The following ULK4 variants were observed in gnomAD, a reference collection of about 807,000 sequenced individuals.
The protein encoded by ULK4 is unc-51 like kinase 4, also known as inactive serine/threonine-protein kinase ULK4.
Under a neutral mutation model 160.6 loss-of-function variants are expected in ULK4, and 133 were observed. The observed-to-expected ratio is 0.83, with a 90% CI of 0.72 to 0.96. The LOEUF (loss-of-function observed/expected upper bound fraction) is 0.96, where lower values mean the gene tolerates loss of function less well. ULK4 is among the 40% of genes least tolerant of loss of function. ULK4 has a pLI of 0.00. For synonymous variants in ULK4, 534 were observed against 539.8 expected (o/e 0.99, Z 0.15); for missense variants, 1,580 against 1,499.5 (o/e 1.05, Z -0.89).
intron 35 of ULK4, among the ~76,000 whole-genome samples, chr3:41,389,801 G>A (rs561117365): frequency 7.2e-4 from 109 of 152,148 alleles, no homozygotes; most frequent in African/African-American, 2.2e-3. Flanking sequence ...TTTTTGCATC[G>A]ATGTTCATCA....
chr3:41,773,565 T>C (rs1332551033), intron 21 of ULK4, among the ~76,000 whole-genome samples: 1 of 151,996 alleles, frequency 6.6e-6, no homozygotes, highest in Non-Finnish European at 1.5e-5. Context: ...CTCAATGAAA[T>C]TAAAGAGGAT....
At chr3:41,733,146 A>G (rs946351127) in intron 22 of ULK4, among the ~76,000 whole-genome samples, 2 of 152,170 alleles carry the variant, frequency 1.3e-5, no homozygotes, top group Non-Finnish European at 2.9e-5. Flanking sequence ...AAACGTTTGC[A>G]GTGATATGCT....
At chr3:41,884,921 G>C (rs1472217868) in intron 16 of ULK4, among the ~76,000 whole-genome samples, 1 of 152,150 alleles carries the variant, frequency 6.6e-6, no homozygotes, top group Non-Finnish European at 1.5e-5. Flanking sequence ...TTTAAAAGTA[G>C]TCATTTTGAA....
intron 22 of ULK4, among the ~76,000 whole-genome samples, chr3:41,727,311 T>C (rs2037685725): frequency 1.3e-5 from 2 of 152,212 alleles, no homozygotes. Flanking sequence ...GTCTACTATG[T>C]GCTAAGTATT....
chr3:41,249,344 TG>T, intron 36 of ULK4, 144 bp downstream of exon 36: 1 of 723,570 alleles, frequency 1.4e-6, no homozygotes, highest in Non-Finnish European at 2.2e-6. Flanking sequence ...CTTCCCACAC[TG>T]GGAAGGATCT....
chr3:41,632,197 G>A (rs894700314), intron 30 of ULK4, among the ~76,000 whole-genome samples: 1 of 152,184 alleles, frequency 6.6e-6, no homozygotes, highest in African/African-American at 2.4e-5. Flanking sequence ...GGCAGTATCA[G>A]TAAGAGAAAG....
chr3:41,297,357 C>T (rs190069264), intron 35 of ULK4, among the ~76,000 whole-genome samples: 333 of 152,332 alleles, frequency 2.2e-3, no homozygotes, highest in Middle Eastern at 0.014. Flanking sequence ...GAGGGCATGC[C>T]TCAGCCTTCT....
chr3:41,672,089 T>G (rs758151036), intron 29 of ULK4, among the ~76,000 whole-genome samples: 3 of 152,130 alleles, frequency 2.0e-5, no homozygotes, highest in African/African-American at 7.2e-5. Flanking sequence ...TTGGCAAGGA[T>G]GCGGAGAAAA....
At chr3:41,405,537 A>G (rs2082275610) in intron 34 of ULK4, among the ~76,000 whole-genome samples, 2 of 152,116 alleles carry the variant, frequency 1.3e-5, no homozygotes, top group South Asian at 4.1e-4. Context: ...CTTTAAGTTG[A>G]GAATTCTCCA....
chr3:41,735,683 C>G (rs1475482343), intron 22 of ULK4, among the ~76,000 whole-genome samples: 1 of 95,320 alleles, frequency 1.0e-5, no homozygotes, highest in African/African-American at 4.8e-5. Context: ...CACTCTAAGT[C>G]CATTTTATTA....
intron 18 of ULK4, among the ~76,000 whole-genome samples, chr3:41,827,016 C>G (rs1053414824): frequency 1.3e-5 from 2 of 150,782 alleles, no homozygotes; most frequent in African/African-American, 2.5e-5. Context: ...CACTGAAAAC[C>G]GCTCCACTAC....
intron 30 of ULK4, among the ~76,000 whole-genome samples, chr3:41,661,180 T>C (rs900448882): frequency 1.3e-4 from 20 of 152,164 alleles, no homozygotes; most frequent in African/African-American, 4.6e-4. Context: ...TTCACTGTTA[T>C]CAGTAGTTAG....
chr3:41,779,693 G>T (rs1191404098), intron 21 of ULK4, among the ~76,000 whole-genome samples: 1 of 35,892 alleles, frequency 2.8e-5, no homozygotes, highest in Admixed American at 3.2e-4. Context: ...TAGGGACATG[G>T]ATGAAATTGG....
chr3:41,592,374 C>T (rs1318107284), intron 31 of ULK4, among the ~76,000 whole-genome samples: 2 of 152,038 alleles, frequency 1.3e-5, no homozygotes, highest in Non-Finnish European at 2.9e-5. Context: ...CAGGGGTCCT[C>T]GGGCGGGCTG....
chr3:41,403,814 A>AT (rs1173689866), intron 34 of ULK4, among the ~76,000 whole-genome samples: 2 of 152,156 alleles, frequency 1.3e-5, no homozygotes, highest in African/African-American at 4.8e-5. Context: ...AGTTCTATGC[A>AT]TTTAAAAAGC....
chr3:41,699,425 C>T (rs2036599262), intron 27 of ULK4, among the ~76,000 whole-genome samples: 1 of 152,176 alleles, frequency 6.6e-6, no homozygotes, highest in Non-Finnish European at 1.5e-5. Context: ...ATTATGTATA[C>T]TGCAGCCAGA....
At chr3:41,925,159 C>T (rs1205416777) in intron 5 of ULK4, among the ~76,000 whole-genome samples, 1 of 152,182 alleles carries the variant, frequency 6.6e-6, no homozygotes, top group African/African-American at 2.4e-5. Context: ...TCAGTGAGAT[C>T]AATGAAGAAG....
chr3:41,637,589 T>C (rs925932769), intron 30 of ULK4, among the ~76,000 whole-genome samples: 1 of 152,188 alleles, frequency 6.6e-6, no homozygotes, highest in African/African-American at 2.4e-5. Flanking sequence ...ATGGCAGCTA[T>C]AGTTTTATTT....
At chr3:41,640,453 G>A (rs1382150957) in intron 30 of ULK4, among the ~76,000 whole-genome samples, 1 of 152,170 alleles carries the variant, frequency 6.6e-6, no homozygotes, top group African/African-American at 2.4e-5. Flanking sequence ...TCTCCAAAAT[G>A]TAGAATGGTC....
Sources: gnomAD v4.1 joint callset for allele counts (sites outside exome capture counted in the v4.1 genomes callset) on GRCh38, gnomAD v4.1.1 for gene constraint, MANE v1.5 for transcripts, NCBI Gene and HGNC (gene_info 2026-07-23, HGNC 2026-07-21) for gene names.